Variants in PCDH20 observed in about 807,000 individuals in gnomAD.
The protein encoded by PCDH20 is protocadherin 20, also known as protocadherin-20.
Under a neutral mutation model 39.7 loss-of-function variants are expected in PCDH20, and 18 were observed. The ratio of observed to expected loss-of-function variants is 0.45; its 90% CI spans 0.31 to 0.67. The LOEUF (loss-of-function observed/expected upper bound fraction) is 0.67. Ranked by LOEUF, PCDH20 falls within the 30% of genes least tolerant of loss-of-function variation. The pLI, the probability that PCDH20 is intolerant of heterozygous loss-of-function variation, is 0.05. For synonymous variants in PCDH20, 495 were observed against 455.4 expected (o/e 1.09, Z -1.11); for missense variants, 1,161 against 1,167.4 (o/e 0.99, Z 0.08).
exon 2 of PCDH20, chr13:61,413,901 G>A (rs771497313): frequency 6.2e-7 from 1 of 1,613,610 alleles, no homozygotes; most frequent in South Asian, 1.1e-5. Context: ...ACAGAAGCTC[G>A]GTGGCCCGGC....
Position 61,412,569 on chromosome 13 carries a change from C to T in PCDH20, c.1530G>A (p.Trp510Ter), listed in dbSNP as rs1311335196. 6.2e-7 allele frequency: 1 copy of T among 1,614,132 alleles called. No homozygotes were observed. The highest frequency in any genetic ancestry group is 8.5e-7 in the Non-Finnish European group (1 of 1,180,004). Residue 510 changes from tryptophan to a stop codon, truncating the protein, a stop_gained, in exon 2 of 2, where the codon TGG (tryptophan) becomes TGA (stop). Transcript: ENST00000409204. LOFTEE classifies it high-confidence loss of function. ...TTTTGACATGAAATCCCTCAGAGTT[C>T]CAAGCCACCACAGCTACTTCATAGA...
chr13:61,415,015 C>A lies in PCDH20; in HGVS notation c.132+12G>T. 1 of 1,459,236 alleles carries A rather than the reference C, an allele frequency of 6.9e-7. No homozygotes were observed. 90.4% of individuals were successfully genotyped at this position (1,459,236 alleles called of 1,614,324 possible). On this transcript the variant is annotated intron_variant, in intron 1 of 1. Coordinates refer to ENST00000409204, the Ensembl canonical transcript of PCDH20. ...TGTCGGGGTCGCGGGGTTCCTTGAC[C>A]CTAACCCTTACCGGCAGGTTCCTGT...
At chr13:61,411,704 G>A (rs754478825) in exon 2 of PCDH20, 2 of 1,614,062 alleles carry the variant, frequency 1.2e-6, no homozygotes, top group Admixed American at 3.3e-5. Flanking sequence ...CCAGTTTTAG[G>A]GTCAATCCTG....
At chr13:61,413,377 A>T in exon 2 of PCDH20, 1 of 1,614,058 alleles carries the variant, frequency 6.2e-7, no homozygotes, top group East Asian at 2.2e-5. Flanking sequence ...TACCCCATTA[A>T]TGCCTACATC....
exon 1 of PCDH20, chr13:61,415,078 A>G (rs761486420): frequency 3.8e-6 from 6 of 1,576,442 alleles, no homozygotes; most frequent in South Asian, 2.3e-5. Context: ...GACGCCCCAT[A>G]TCCAGGCGCG....
chr13:61,412,776 C>T, exon 2 of PCDH20: 3 of 1,614,092 alleles, frequency 1.9e-6, no homozygotes, highest in Non-Finnish European at 2.5e-6. Flanking sequence ...CCAGTTCTTT[C>T]AGATAAACCA....
chr13:61,415,146 C>A, exon 1 of PCDH20: 3 of 1,458,262 alleles, frequency 2.1e-6, no homozygotes, highest in Admixed American at 2.4e-5. Context: ...CGCGCATTCC[C>A]TCGGCCGCGC....
exon 2 of PCDH20, chr13:61,413,184 A>G: frequency 6.2e-7 from 1 of 1,614,122 alleles, no homozygotes; most frequent in Admixed American, 1.7e-5. Context: ...CAATGGTGAG[A>G]GTGGCACTGC....
Position 61,413,974 on chromosome 13 carries a change from T to C in PCDH20, c.133-8A>G, listed in dbSNP as rs4281600. The C allele has an allele frequency of 6.8e-5, 109 of 1,598,458 alleles. 3 individuals carry two copies. The South Asian group carries it at 8.6e-4, about 13-fold the overall frequency. ...GAAAAACAGAAACAGATGCTGGAGTTGGGGGAGGGAAGAAAGCTCATTACA... is the reference window on the plus strand; with the variant it reads ...GAAAAACAGAAACAGATGCTGGAGTCGGGGGAGGGAAGAAAGCTCATTACA... On this transcript the variant is annotated splice_polypyrimidine_tract_variant and splice_region_variant and intron_variant, in intron 1 of 1. Coordinates refer to ENST00000409204, the Ensembl canonical transcript of PCDH20.
At chr13:61,411,416 C>T in exon 2 of PCDH20, 2 of 1,614,086 alleles carry the variant, frequency 1.2e-6, no homozygotes, top group Non-Finnish European at 8.5e-7. Context: ...AAGCTTATTA[C>T]AGACAGAGCT....
exon 2 of PCDH20, chr13:61,411,928 G>C (rs146621603): frequency 6.8e-6 from 11 of 1,614,012 alleles, no homozygotes; most frequent in African/African-American, 1.3e-5. Flanking sequence ...TTTTGCTGTA[G>C]AGGAGAGGGC....
exon 2 of PCDH20, chr13:61,410,906 A>T (rs760590490): frequency 5.8e-6 from 1 of 172,434 alleles, no homozygotes; most frequent in African/African-American, 2.4e-5. Flanking sequence ...GGTGACAGGA[A>T]TTTTTAGATA....
chr13:61,410,648 T>C (rs3829388), exon 2 of PCDH20: 46,014 of 152,542 alleles, frequency 0.3, 7,104 homozygotes, highest in East Asian at 0.48. Context: ...AAAAAGGAAT[T>C]GCACTTCTTT....
exon 2 of PCDH20, chr13:61,412,023 A>T: frequency 6.2e-7 from 1 of 1,614,034 alleles, no homozygotes; most frequent in Non-Finnish European, 8.5e-7. Flanking sequence ...CCCTCAGCAT[A>T]CCCTTTCCTG....
chr13:61,412,638 A>G, exon 2 of PCDH20: 3 of 1,614,118 alleles, frequency 1.9e-6, no homozygotes, highest in Non-Finnish European at 2.5e-6. Context: ...TCTCTAGTAA[A>G]TATTCATTAT....
Position 61,412,349 on chromosome 13 carries a change from AG to A in PCDH20, c.1749del (p.Leu584Ter). 6.2e-7 allele frequency: 1 copy of A among 1,614,136 alleles called. No homozygotes were observed. Among genetic ancestry groups the A allele is most frequent in the South Asian group, 1.1e-5 (1 of 91,072 alleles). The stretch of plus-strand genomic sequence containing the variant: ...GTCAGAATTCCTGTGACACTGTCTA[AG>A]GAAAAATATGATGGAGCATCAGGTC... On this transcript the variant is annotated frameshift_variant, in exon 2 of 2. Coordinates refer to ENST00000409204, the Ensembl canonical transcript of PCDH20. LOFTEE classifies it low-confidence loss of function (END_TRUNC).
At chr13:61,410,902 A>C (rs1878230742) in exon 2 of PCDH20, 1 of 171,534 alleles carries the variant, frequency 5.8e-6, no homozygotes, top group South Asian at 1.6e-4. Flanking sequence ...TTGTGGTGAC[A>C]GGAATTTTTA....
exon 2 of PCDH20, chr13:61,413,176 A>G (rs775154689): frequency 6.2e-6 from 10 of 1,613,980 alleles, no homozygotes; most frequent in Non-Finnish European, 8.5e-6. Context: ...ACTGATGCCA[A>G]TGGTGAGAGT....
exon 2 of PCDH20, chr13:61,411,851 A>G: frequency 6.2e-7 from 1 of 1,614,118 alleles, no homozygotes; most frequent in Non-Finnish European, 8.5e-7. Flanking sequence ...AACAGATAAG[A>G]CATATTAGAC....
Sources: gnomAD v4.1 joint callset for allele counts on GRCh38, gnomAD v4.1.1 for gene constraint, MANE v1.5 for transcripts, NCBI Gene and HGNC (gene_info 2026-07-23, HGNC 2026-07-21) for gene names.